CCDC171: variants seen among roughly 807,000 people sequenced by gnomAD.
CCDC171 encodes the protein coiled-coil domain-containing protein 171.
A neutral mutation model predicts 168.2 loss-of-function variants in CCDC171; 177 were observed. That is an observed-to-expected ratio of 1.05 (90% CI 0.93 to 1.19). The LOEUF is 1.19. Ranked by LOEUF, CCDC171 falls within the 50% of genes most tolerant of loss-of-function variation. CCDC171 has a pLI of 0.00. For synonymous variants in CCDC171, 687 were observed against 540.8 expected (o/e 1.27, Z -3.75); for missense variants, 1,991 against 1,539.0 (o/e 1.29, Z -4.91).
At position 15,932,644 on chromosome 9, in the gene CCDC171, A is replaced by G. The variant is rs186616233; in HGVS notation, c.3753+12222A>G. Among the ~76,000 whole-genome samples, 18 of 152,038 alleles carry G rather than the reference A, an allele frequency of 1.2e-4. No homozygotes were observed. In the East Asian group the frequency reaches 3.3e-3, roughly 28 times the overall value. ...TGCTCTGGCTAGGACTTCCAGTACTATGTTGAATAGAAGTGGCGAATGTGG... is the reference window on the plus strand; with the variant it reads ...TGCTCTGGCTAGGACTTCCAGTACTGTGTTGAATAGAAGTGGCGAATGTGG... On this transcript the variant is annotated intron_variant, in intron 25 of 25. Coordinates refer to ENST00000380701, the MANE Select transcript of CCDC171 (RefSeq NM_173550.4).
At chr9:15,905,378 C>T (rs1452439486) in intron 24 of CCDC171, among the ~76,000 whole-genome samples, 1 of 152,300 alleles carries the variant, frequency 6.6e-6, no homozygotes, top group East Asian at 1.9e-4. Context: ...TCACTCACAA[C>T]CGCTCAACTA....
At chr9:16,012,311 A>G (rs1026468421) in intron 3 of CCDC171, among the ~76,000 whole-genome samples, 5 of 152,150 alleles carry the variant, frequency 3.3e-5, no homozygotes, top group African/African-American at 1.2e-4. Flanking sequence ...GTAGGGATCT[A>G]TCTGGGCACG....
intron 6 of CCDC171, among the ~76,000 whole-genome samples, chr9:15,619,009 T>C (rs1317597482): frequency 6.6e-6 from 1 of 152,106 alleles, no homozygotes; most frequent in Non-Finnish European, 1.5e-5. Context: ...GCTATTGTAA[T>C]TGTTTTGGGG....
At chr9:16,017,335 A>G (rs1287726159) in intron 3 of CCDC171, among the ~76,000 whole-genome samples, 1 of 152,160 alleles carries the variant, frequency 6.6e-6, no homozygotes, top group Non-Finnish European at 1.5e-5. Context: ...TTAAAAACTC[A>G]GTAGAATCAT....
intron 10 of CCDC171, among the ~76,000 whole-genome samples, chr9:15,686,173 T>G (rs902113914): frequency 1.3e-5 from 2 of 152,226 alleles, no homozygotes; most frequent in African/African-American, 4.8e-5. Flanking sequence ...TATCTGGCTT[T>G]CTATAGATAT....
At chr9:15,656,830 A>C (rs1188967370) in intron 7 of CCDC171, among the ~76,000 whole-genome samples, 1 of 151,950 alleles carries the variant, frequency 6.6e-6, no homozygotes, top group Non-Finnish European at 1.5e-5. Context: ...GCAGTGATTT[A>C]ATGGATGTGT....
intron 7 of CCDC171, among the ~76,000 whole-genome samples, chr9:15,650,430 G>A (rs1261069534): frequency 5.9e-5 from 9 of 152,028 alleles, no homozygotes; most frequent in Non-Finnish European, 1.3e-4. Flanking sequence ...TTATAGCCAT[G>A]TAGTGGGTGT....
At chr9:15,918,266 C>T (rs1824818193) in intron 24 of CCDC171, among the ~76,000 whole-genome samples, 2 of 151,298 alleles carry the variant, frequency 1.3e-5, no homozygotes, top group African/African-American at 4.8e-5. Flanking sequence ...TCAGTAAATC[C>T]CTAGTAAACA....
At chr9:15,573,858 C>G (rs905419497) in intron 3 of CCDC171, among the ~76,000 whole-genome samples, 1 of 151,532 alleles carries the variant, frequency 6.6e-6, no homozygotes, top group Admixed American at 6.6e-5. Context: ...CCCGGGAGTT[C>G]GAGACCAGCC....
chr9:15,595,475 A>G (rs1489012611), intron 6 of CCDC171, among the ~76,000 whole-genome samples: 1 of 152,138 alleles, frequency 6.6e-6, no homozygotes, highest in Non-Finnish European at 1.5e-5. Flanking sequence ...AGAGGACATG[A>G]ACTTATCCTT....
intron 7 of CCDC171, among the ~76,000 whole-genome samples, chr9:15,631,284 T>C (rs2045669711): frequency 6.7e-6 from 1 of 150,104 alleles, no homozygotes; most frequent in South Asian, 2.1e-4. Context: ...GCAAGACTAA[T>C]AAAGAAGAAA....
chr9:15,796,773 G>A (rs1288179242), intron 21 of CCDC171, among the ~76,000 whole-genome samples: 1 of 151,958 alleles, frequency 6.6e-6, no homozygotes, highest in Non-Finnish European at 1.5e-5. Context: ...GGGTTGGGGA[G>A]GAGCGTTGGC....
chr9:15,822,559 A>C (rs1389467804), intron 21 of CCDC171, among the ~76,000 whole-genome samples: 2 of 152,228 alleles, frequency 1.3e-5, no homozygotes, highest in Non-Finnish European at 2.9e-5. Context: ...GAAGACATTT[A>C]TGCAGCCAAA....
chr9:15,806,842 A>G (rs1302994988), intron 21 of CCDC171, among the ~76,000 whole-genome samples: 2 of 151,898 alleles, frequency 1.3e-5, no homozygotes, highest in Non-Finnish European at 2.9e-5. Flanking sequence ...CTTTCTCTCC[A>G]TCCCTTTGAG....
intron 14 of CCDC171, among the ~76,000 whole-genome samples, chr9:15,727,129 G>T (rs960953355): frequency 4.6e-5 from 7 of 152,134 alleles, no homozygotes; most frequent in Admixed American, 4.6e-4. Context: ...ATTTTCGAAA[G>T]TATGTAATGA....
At chr9:15,706,969 C>A (rs1427771235) in intron 11 of CCDC171, among the ~76,000 whole-genome samples, 1 of 152,192 alleles carries the variant, frequency 6.6e-6, no homozygotes, top group Non-Finnish European at 1.5e-5. Flanking sequence ...TTCCTCCCCC[C>A]TTTCCTGCTT....
intron 3 of CCDC171, among the ~76,000 whole-genome samples, 162 bp downstream of exon 3, chr9:15,571,921 TG>T (rs2040256460): frequency 6.6e-6 from 1 of 152,176 alleles, no homozygotes; most frequent in Non-Finnish European, 1.5e-5. Flanking sequence ...GTAGTGTAAT[TG>T]CATAAGTGTT....
chr9:15,590,833 C>CTTTCTTTCTTTT (rs1554693022), intron 4 of CCDC171, among the ~76,000 whole-genome samples: 1 of 88,642 alleles, frequency 1.1e-5, no homozygotes, highest in African/African-American at 4.7e-5. Context: ...TTCTTTCTTT[C>CTTTCTTTCTTTT]TTCTTCTTTC....
intron 21 of CCDC171, among the ~76,000 whole-genome samples, chr9:15,803,429 G>C (rs2058922839): frequency 6.6e-6 from 1 of 151,542 alleles, no homozygotes; most frequent in Non-Finnish European, 1.5e-5. Context: ...ATCTTGAGTT[G>C]ATTTTTGTAT....
Sources: allele counts gnomAD v4.1 joint callset (sites outside exome capture counted in the v4.1 genomes callset), GRCh38; gene constraint gnomAD v4.1.1; transcripts MANE v1.5; gene names NCBI Gene and HGNC (gene_info 2026-07-23, HGNC 2026-07-21).